Variants in SDK1 observed in about 807,000 individuals in gnomAD.
SDK1 encodes protein sidekick-1.
A neutral mutation model predicts 245.5 loss-of-function variants in SDK1; 157 were observed. The ratio of observed to expected loss-of-function variants is 0.64; its 90% confidence interval spans 0.56 to 0.73. The LOEUF is 0.73. Ranked by LOEUF, SDK1 falls within the 30% of genes least tolerant of loss-of-function variation. The pLI is 0.00. For missense variants in SDK1, 3,583 were observed against 3,002.3 expected (o/e 1.19, Z -4.52); for synonymous variants, 1,647 against 1,278.5 (o/e 1.29, Z -6.15).
intron 17 of SDK1, among the ~76,000 whole-genome samples, chr7:4,028,293 A>G (rs1437589257): frequency 6.6e-6 from 1 of 152,208 alleles, no homozygotes; most frequent in Non-Finnish European, 1.5e-5. Context: ...ACCAAGGACT[A>G]ATAACCATGA....
At chr7:3,997,046 T>C (rs1043800282) in intron 14 of SDK1, among the ~76,000 whole-genome samples, 1 of 152,224 alleles carries the variant, frequency 6.6e-6, no homozygotes, top group Non-Finnish European at 1.5e-5. Flanking sequence ...TACAAGTCAT[T>C]TACAATACTC....
At chr7:3,809,632 C>T (rs1358144901) in intron 4 of SDK1, among the ~76,000 whole-genome samples, 3 of 152,228 alleles carry the variant, frequency 2.0e-5, no homozygotes, top group African/African-American at 7.2e-5. Context: ...GCAGTTCACT[C>T]TGCTCATAAT....
intron 1 of SDK1, among the ~76,000 whole-genome samples, chr7:3,591,300 C>T (rs911341177): frequency 1.3e-5 from 2 of 152,132 alleles, no homozygotes; most frequent in Admixed American, 1.3e-4. Context: ...TTGAAACCTC[C>T]CAGTAGCCCC....
At chr7:3,614,915 G>C (rs866891284) in intron 1 of SDK1, among the ~76,000 whole-genome samples, 1 of 144,136 alleles carries the variant, frequency 6.9e-6, no homozygotes, top group African/African-American at 2.5e-5. Flanking sequence ...TTTAAAATGA[G>C]CTTTTTTTTT....
In SDK1 at chr7:3,582,683, TAAAA is replaced by T. The variant is rs71029682; in HGVS notation, c.299-36374_299-36371del. ...ATGTAGCCCTGAACCTAAACTAAAG[TAAAA>T]AAAAAAAAAAAAAAAAAAAAAAGGT... On this transcript the variant is annotated intron_variant, in intron 1 of 44. Transcript: ENST00000404826. 4.3e-3 allele frequency among the ~76,000 whole-genome samples: 298 copies of T among 69,680 alleles called. 1 individual carries two copies. The highest frequency in any genetic ancestry group is 0.03 in the South Asian group (41 of 1,386). 45.7% of individuals were successfully genotyped at this position (69,680 alleles called of 152,430 possible). A position where few individuals can be genotyped will look rare whatever the true frequency, so the allele number is the denominator to read the frequency against.
At chr7:3,371,494 G>A (rs750551500) in intron 1 of SDK1, among the ~76,000 whole-genome samples, 5 of 152,058 alleles carry the variant, frequency 3.3e-5, no homozygotes, top group Non-Finnish European at 4.4e-5. Context: ...AAGAAACCAG[G>A]GGGCCCTAAG....
At chr7:3,671,148 T>A (rs1783690122) in intron 4 of SDK1, among the ~76,000 whole-genome samples, 1 of 152,204 alleles carries the variant, frequency 6.6e-6, no homozygotes, top group East Asian at 1.9e-4. Context: ...AAGTCATTAC[T>A]CAGTATATTT....
intron 4 of SDK1, among the ~76,000 whole-genome samples, chr7:3,820,147 A>G (rs1437163771): frequency 6.6e-6 from 1 of 152,068 alleles, no homozygotes; most frequent in East Asian, 1.9e-4. Flanking sequence ...ACTCACATTC[A>G]TATTTTTTTT....
intron 4 of SDK1, among the ~76,000 whole-genome samples, chr7:3,704,842 A>G (rs1047243494): frequency 1.3e-5 from 2 of 152,122 alleles, no homozygotes; most frequent in African/African-American, 4.8e-5. Context: ...TAAGTCTTTC[A>G]CCATCTTGAG....
chr7:3,689,466 A>T (rs980693738), intron 4 of SDK1, among the ~76,000 whole-genome samples: 1 of 152,204 alleles, frequency 6.6e-6, no homozygotes, highest in African/African-American at 2.4e-5. Flanking sequence ...TTCTTGACAG[A>T]CATTATCAAG....
chr7:3,652,159 T>G (rs1783031639), intron 4 of SDK1, among the ~76,000 whole-genome samples: 1 of 152,184 alleles, frequency 6.6e-6, no homozygotes, highest in Non-Finnish European at 1.5e-5. Context: ...AGACAACTCT[T>G]TGGGCATTTT....
rs186030086 is a variant in SDK1 at position 3,929,942 on chromosome 7, G to A, written c.848-20981G>A. Among the ~76,000 whole-genome samples the A allele has an allele frequency of 2.5e-3, 379 of 152,138 alleles. 1 individual carries two copies. The highest frequency in any genetic ancestry group is 3.4e-3 in the Non-Finnish European group (232 of 67,976). ...CCCATGATGGGAGGTGAGGGGAGCC[G>A]GCGTGTCACGTTCCTGAAAGCATGG... On this transcript the variant is annotated intron_variant, in intron 5 of 44. Transcript: ENST00000404826.
At chr7:3,974,253 G>T in intron 12 of SDK1, 116 bp from the exon 13 acceptor site, 1 of 755,336 alleles carries the variant, frequency 1.3e-6, no homozygotes, top group Non-Finnish European at 2.2e-6. Context: ...ACAGTTCAGT[G>T]GTTTTTAAAG....
At position 3,769,932 on chromosome 7, in the gene SDK1, T is replaced by C. The variant is rs1018022896; in HGVS notation, c.714-51518T>C. On this transcript the variant is annotated intron_variant, in intron 4 of 44. Coordinates refer to ENST00000404826, the MANE Select transcript of SDK1 (RefSeq NM_152744.4). ...ATTTTCTCAGTGTTATTTGTACTTA[T>C]TGTCTGTGTGTGTGTGTGTGTGTGT... Among the ~76,000 whole-genome samples the C allele has an allele frequency of 1.3e-4, 18 of 140,740 alleles. 1 individual carries two copies. The highest frequency in any genetic ancestry group is 2.8e-4 in the African/African-American group (10 of 35,616). 92.3% of individuals were successfully genotyped at this position (140,740 alleles called of 152,430 possible). A position where few individuals can be genotyped will look rare whatever the true frequency, so the allele number is the denominator to read the frequency against.
At chr7:3,728,036 T>G (rs2115037445) in intron 4 of SDK1, among the ~76,000 whole-genome samples, 1 of 152,308 alleles carries the variant, frequency 6.6e-6, no homozygotes, top group East Asian at 1.9e-4. Flanking sequence ...TTTTGTAATA[T>G]GTTCTTCAGT....
At chr7:3,537,939 A>T (rs1778935434) in intron 1 of SDK1, among the ~76,000 whole-genome samples, 1 of 152,168 alleles carries the variant, frequency 6.6e-6, no homozygotes, top group Non-Finnish European at 1.5e-5. Context: ...GCAAAGAGTG[A>T]ACCTCCAGTG....
chr7:4,011,981 C>T lies in SDK1; in HGVS notation c.2280-114C>T, dbSNP rs1269376410. 43 of 957,178 alleles carry T rather than the reference C, an allele frequency of 4.5e-5. No homozygotes were observed. In the East Asian group the frequency reaches 1.3e-3, roughly 28 times the overall value. The allele number at this position is 957,178 out of a possible 1,614,324, so 59.3% of individuals were successfully genotyped here. ...GCTGTGTGTTTTGCTTTTCCTGAAA[C>T]CCGATTTTTGTGAATAGTCAGGCTC... On this transcript the variant is annotated intron_variant, in intron 15 of 44. Transcript: ENST00000404826.
At chr7:3,856,814 T>C (rs1271182725) in intron 5 of SDK1, among the ~76,000 whole-genome samples, 1 of 152,200 alleles carries the variant, frequency 6.6e-6, no homozygotes, top group Non-Finnish European at 1.5e-5. Context: ...TGTTATATGC[T>C]ACTTATAGGA....
At chr7:3,636,459 A>T (rs1016498271) in intron 2 of SDK1, among the ~76,000 whole-genome samples, 1 of 152,182 alleles carries the variant, frequency 6.6e-6, no homozygotes, top group Non-Finnish European at 1.5e-5. Context: ...GGTATCAGGT[A>T]GGATTTGTTC....
Sources: allele counts gnomAD v4.1 joint callset (sites outside exome capture counted in the v4.1 genomes callset), GRCh38; gene constraint gnomAD v4.1.1; transcripts MANE v1.5; gene names NCBI Gene and HGNC (gene_info 2026-07-23, HGNC 2026-07-21).